Variants in GRIN2B observed in about 807,000 individuals in gnomAD.
GRIN2B encodes glutamate receptor ionotropic, NMDA 2B.
Under a neutral mutation model 114.5 loss-of-function variants are expected in GRIN2B, and 5 were observed. The observed-to-expected ratio is 0.04, with a 90% confidence interval of 0.02 to 0.09. GRIN2B has a LOEUF of 0.09. Ranked by LOEUF, GRIN2B falls within the 10% of genes least tolerant of loss-of-function variation. GRIN2B has a pLI of 1.00. For missense variants in GRIN2B, 1,108 were observed against 1,943.5 expected (o/e 0.57, Z 8.08); for synonymous variants, 787 against 745.1 (o/e 1.06, Z -0.92).
upstream of GRIN2B, chr12:13,981,896 G>GAC (rs3834938): frequency 1.4e-3 from 216 of 153,628 alleles, 3 homozygotes; most frequent in East Asian, 0.027. Flanking sequence ...CACACACACA[G>GAC]ACACACACAC....
chr12:13,692,760 C>CTTTTTTTTTTTTTTT (rs71067718), intron 4 of GRIN2B, among the ~76,000 whole-genome samples: 32 of 52,108 alleles, frequency 6.1e-4, no homozygotes, highest in Non-Finnish European at 8.0e-4. Context: ...TCTTTCTTTT[C>CTTTTTTTTTTTTTTT]TTTTTTTTTT....
At chr12:13,752,007 T>C (rs1405479119) in intron 4 of GRIN2B, among the ~76,000 whole-genome samples, 1 of 152,092 alleles carries the variant, frequency 6.6e-6, no homozygotes, top group Non-Finnish European at 1.5e-5. Context: ...GAGGAACCTC[T>C]AGAGAGTTGA....
In GRIN2B at chr12:13,563,814, TCTC is replaced by T. The variant is rs1565453930; in HGVS notation, c.3421_3423del (p.Glu1141del). On this transcript the variant is annotated inframe_deletion, in exon 14 of 14. Coordinates refer to ENST00000609686, the MANE Select transcript of GRIN2B (RefSeq NM_000834.5). The stretch of plus-strand genomic sequence containing the variant: ...TCTACGTGCTCCCAGTGGGGTGAGT[TCTC>T]CTTTGTTCGGAACTGGTCCAGGTAG... The T allele has an allele frequency of 1.9e-6, 3 of 1,614,128 alleles. No individual in the cohort carries two copies. Among genetic ancestry groups the T allele is most frequent in the Middle Eastern group, 1.6e-4 (1 of 6,062 alleles).
intron 3 of GRIN2B, among the ~76,000 whole-genome samples, chr12:13,815,697 C>T (rs2136688465): frequency 6.6e-6 from 1 of 152,254 alleles, no homozygotes. Context: ...CTGCAGACAA[C>T]CTTGCCTGGT....
intron 5 of GRIN2B, 33 bp downstream of exon 5, chr12:13,675,712 C>A (rs1228158868): frequency 8.4e-6 from 11 of 1,312,880 alleles, no homozygotes; most frequent in Non-Finnish European, 1.2e-5. Context: ...TTCTACTCTA[C>A]TTTGCTCAAG....
Position 13,922,638 on chromosome 12 carries a change from G to A in GRIN2B, c.-18-56412C>T, listed in dbSNP as rs557082013. On this transcript the variant is annotated intron_variant, in intron 2 of 13. Coordinates refer to ENST00000609686, the MANE Select transcript of GRIN2B (RefSeq NM_000834.5). ...AGCCTGTGGCACCCGTGGTAAGTCC[G>A]GTTTTATTTAACATCTTAGTTAATG... 8.8e-4 allele frequency among the ~76,000 whole-genome samples: 134 copies of A among 152,192 alleles called. 1 individual carries two copies. The highest frequency in any genetic ancestry group is 2.6e-3 in the African/African-American group (106 of 41,528).
At chr12:13,817,397 C>T (rs1864846445) in intron 3 of GRIN2B, among the ~76,000 whole-genome samples, 1 of 152,106 alleles carries the variant, frequency 6.6e-6, no homozygotes, top group Non-Finnish European at 1.5e-5. Flanking sequence ...CTCGACAGGG[C>T]ATATCAGAAA....
rs557727973 is a variant in GRIN2B at position 13,583,749 on chromosome 12, T to A, written c.2011-11785A>T. Among the ~76,000 whole-genome samples, 11 of 151,940 alleles carry A rather than the reference T, an allele frequency of 7.2e-5. No individual in the cohort carries two copies. The South Asian group carries it at 2.3e-3, about 32-fold the overall frequency. ...GGGTGATGGGGCAAGCGAAATAGCA[T>A]GAGAAAAGAAGCACTGGGACGTGAG... is the stretch of plus-strand genomic sequence containing the variant. On this transcript the variant is annotated intron_variant, in intron 10 of 13. Transcript: ENST00000609686.
At chr12:13,580,086 C>G (rs1160636132) in intron 10 of GRIN2B, among the ~76,000 whole-genome samples, 1 of 152,146 alleles carries the variant, frequency 6.6e-6, no homozygotes, top group Non-Finnish European at 1.5e-5. Context: ...AAAACAAAAC[C>G]AAGAATGTCC....
At chr12:13,668,331 T>C (rs2136533794) in intron 5 of GRIN2B, among the ~76,000 whole-genome samples, 1 of 152,330 alleles carries the variant, frequency 6.6e-6, no homozygotes, top group East Asian at 1.9e-4. Context: ...GAAATGATAT[T>C]CCAAAGTCTA....
At chr12:13,612,573 A>G (rs1949379982) in intron 8 of GRIN2B, among the ~76,000 whole-genome samples, 1 of 152,212 alleles carries the variant, frequency 6.6e-6, no homozygotes, top group Non-Finnish European at 1.5e-5. Context: ...ACCAACTACA[A>G]TCTATCCCCC....
chr12:13,881,801 C>G (rs1021228607), intron 2 of GRIN2B, among the ~76,000 whole-genome samples: 1 of 152,116 alleles, frequency 6.6e-6, no homozygotes, highest in Non-Finnish European at 1.5e-5. Context: ...GCTTGCCATA[C>G]TACACTTTCC....
At chr12:13,786,854 G>C (rs1483154302) in intron 3 of GRIN2B, among the ~76,000 whole-genome samples, 1 of 152,100 alleles carries the variant, frequency 6.6e-6, no homozygotes, top group Non-Finnish European at 1.5e-5. Flanking sequence ...CGCTGCAGGT[G>C]GGGGCTGGGA....
At position 13,895,145 on chromosome 12, in the gene GRIN2B, T is replaced by A. The variant is rs149829629; in HGVS notation, c.-18-28919A>T. On this transcript the variant is annotated intron_variant, in intron 2 of 13. Transcript: ENST00000609686. ...TTGAATGGTTTGATTCAGTTCAACCTCCTCCTTCAACAGATGAAGAAACTG... is the reference window on the plus strand; with the variant it reads ...TTGAATGGTTTGATTCAGTTCAACCACCTCCTTCAACAGATGAAGAAACTG... 6.5e-3 allele frequency among the ~76,000 whole-genome samples: 988 copies of A among 152,294 alleles called. 3 individuals are homozygous for A. Among genetic ancestry groups the A allele is most frequent in the Non-Finnish European group, 0.011 (746 of 68,018 alleles).
chr12:13,826,570 G>A (rs1201830568), intron 3 of GRIN2B, among the ~76,000 whole-genome samples: 1 of 152,066 alleles, frequency 6.6e-6, no homozygotes, highest in Non-Finnish European at 1.5e-5. Flanking sequence ...ACTTATGGCT[G>A]TTTTTAATAT....
chr12:13,944,680 C>T (rs1222016275), intron 2 of GRIN2B, among the ~76,000 whole-genome samples: 1 of 152,168 alleles, frequency 6.6e-6, no homozygotes, highest in Non-Finnish European at 1.5e-5. Flanking sequence ...CAACAACTTG[C>T]CCAAGGCCAT....
chr12:13,733,093 G>A (rs1381890702), intron 4 of GRIN2B, among the ~76,000 whole-genome samples: 1 of 152,108 alleles, frequency 6.6e-6, no homozygotes, highest in Non-Finnish European at 1.5e-5. Flanking sequence ...AAAGGAGTGA[G>A]GGCCAGGAAA....
At position 13,780,430 on chromosome 12, in the gene GRIN2B, C is replaced by G. The variant is rs533136034; in HGVS notation, c.412-26515G>C. On this transcript the variant is annotated intron_variant, in intron 3 of 13. Coordinates refer to ENST00000609686, the MANE Select transcript of GRIN2B (RefSeq NM_000834.5). ...ATATTGCAGAATGTTATTTGTGTGG[C>G]CTTTAAGCAGTTGTCATATCCATTC... Among the ~76,000 whole-genome samples, 222 of 152,264 alleles carry G rather than the reference C, an allele frequency of 1.5e-3. 2 individuals are homozygous for G. The highest frequency in any genetic ancestry group is 5.2e-3 in the African/African-American group (215 of 41,542).
chr12:13,802,151 G>A lies in GRIN2B; in HGVS notation c.412-48236C>T, dbSNP rs954434890. 5.9e-5 allele frequency among the ~76,000 whole-genome samples: 9 copies of A among 152,222 alleles called. No individual in the cohort carries two copies. In the East Asian group the frequency reaches 1.7e-3, roughly 29 times the overall value. ...ATAATACTTTACTAAATGAAATCAT[G>A]AAGATAGACACGGGGAAAAGACAGC... On this transcript the variant is annotated intron_variant, in intron 3 of 13. Coordinates refer to ENST00000609686, the MANE Select transcript of GRIN2B (RefSeq NM_000834.5).
Sources: gnomAD v4.1 joint callset for allele counts (sites outside exome capture counted in the v4.1 genomes callset) on GRCh38, gnomAD v4.1.1 for gene constraint, MANE v1.5 for transcripts, NCBI Gene and HGNC (gene_info 2026-07-23, HGNC 2026-07-21) for gene names.